CDC37L1: variants seen among roughly 807,000 people sequenced by gnomAD.
CDC37L1 encodes cell division cycle 37 like 1, HSP90 cochaperone.
CDC37L1 carries 32 observed loss-of-function variants against 45.9 expected under a neutral mutation model. That is an observed-to-expected ratio of 0.70 (90% confidence interval 0.53 to 0.94). The LOEUF (loss-of-function observed/expected upper bound fraction) is 0.94. Among genes scored for constraint, CDC37L1 ranks in the 40% least tolerant of loss-of-function variants. The pLI, the probability that CDC37L1 is intolerant of heterozygous loss-of-function variation, is 0.00. For missense variants in CDC37L1, 434 were observed against 405.7 expected (o/e 1.07, Z -0.60); for synonymous variants, 150 against 133.0 (o/e 1.13, Z -0.88).
At chr9:4,697,297 A>G in intron 4 of CDC37L1, 86 bp downstream of exon 4, 1 of 700,548 alleles carries the variant, frequency 1.4e-6, no homozygotes, top group South Asian at 1.7e-5. Flanking sequence ...TGTTTTCTAC[A>G]TTAAGTCCTT....
intron 6 of CDC37L1, among the ~76,000 whole-genome samples, chr9:4,703,479 C>A (rs1841418292): frequency 6.6e-6 from 1 of 151,988 alleles, no homozygotes; most frequent in Admixed American, 6.6e-5. Context: ...TACAGATTAT[C>A]TCTTAATTTT....
chr9:4,683,601 G>T (rs915936099), intron 1 of CDC37L1, among the ~76,000 whole-genome samples: 2 of 152,104 alleles, frequency 1.3e-5, no homozygotes, highest in African/African-American at 4.8e-5. Context: ...ATCACGAAGG[G>T]CTTTGCCACA....
At chr9:4,691,568 C>T (rs1841301133) in intron 3 of CDC37L1, among the ~76,000 whole-genome samples, 1 of 152,030 alleles carries the variant, frequency 6.6e-6, no homozygotes, top group Non-Finnish European at 1.5e-5. Flanking sequence ...TCTTGGTTGA[C>T]ACGGGCCTGG....
Position 4,701,857 on chromosome 9 carries a change from T to C in CDC37L1, c.748-7T>C. ...ACAGTCTTTGTTTTTTTTTTTGTTTTTTCTAGGCAGAGGAAGAAGGTTATT... is the reference window on the plus strand; with the variant it reads ...ACAGTCTTTGTTTTTTTTTTTGTTTCTTCTAGGCAGAGGAAGAAGGTTATT... On this transcript the variant is annotated splice_region_variant and splice_polypyrimidine_tract_variant and intron_variant, in intron 5 of 6. Transcript: ENST00000381854. The C allele has an allele frequency of 2.5e-6, 4 of 1,592,310 alleles. No homozygotes were observed. Among genetic ancestry groups the C allele is most frequent in the Non-Finnish European group, 3.4e-6 (4 of 1,172,744 alleles).
intron 6 of CDC37L1, chr9:4,703,149 G>A (rs1346635044): frequency 2.7e-6 from 4 of 1,501,446 alleles, no homozygotes; most frequent in Non-Finnish European, 3.6e-6. Context: ...GAGAAGGAAA[G>A]TCTTATTCAA....
rs766704606 is a variant in CDC37L1 at position 4,685,059 on chromosome 9, A to T, written c.315A>T (p.Gln105His). ...KAQTAVSELR[Q>H]REEEWRQKEE... ...AAACAGCAGTATCAGAACTGAGGCA[A>T]CGGGAAGAAGAGTGGCGACAGAAAG... Residue 105 changes from glutamine to histidine, a missense_variant, in exon 2 of 7, where the codon CAA (glutamine) becomes CAT (histidine). Gln to His is a conservative substitution (Grantham distance 24). Coordinates refer to ENST00000381854, the MANE Select transcript of CDC37L1 (RefSeq NM_017913.4). 2 of 1,614,072 alleles carry T rather than the reference A, an allele frequency of 1.2e-6. No individual in the cohort carries two copies. The highest frequency in any genetic ancestry group is 2.2e-5 in the East Asian group (1 of 44,880).
chr9:4,702,305 C>T (rs1314684428), intron 6 of CDC37L1, among the ~76,000 whole-genome samples: 2 of 152,180 alleles, frequency 1.3e-5, no homozygotes, highest in Non-Finnish European at 2.9e-5. Flanking sequence ...TCATCTCAAT[C>T]ATAAACTCTT....
rs372857019 is a variant in CDC37L1, at chr9:4,679,742, G to A, written c.-26G>A. 1.2e-6 allele frequency: 2 copies of A among 1,600,546 alleles called. No individual in the cohort carries two copies. The highest frequency in any genetic ancestry group is 8.5e-7 in the Non-Finnish European group (1 of 1,171,998). ...CAGTGGCAGTTGTAGGGCCAAGGGCGGTTGTAGGACCCGGAGCAGCCGGAC... is the reference window on the plus strand; with the variant it reads ...CAGTGGCAGTTGTAGGGCCAAGGGCAGTTGTAGGACCCGGAGCAGCCGGAC... On this transcript the variant is annotated 5_prime_UTR_variant, in exon 1 of 7. Coordinates refer to ENST00000381854, the MANE Select transcript of CDC37L1 (RefSeq NM_017913.4).
chr9:4,706,021 A>G lies in CDC37L1; in HGVS notation c.923A>G (p.Tyr308Cys), dbSNP rs1229849960. The change falls in exon 7 of 7, where the codon TAT (tyrosine) becomes TGT (cysteine). Residue 308 changes from tyrosine to cysteine, a missense_variant. Transcript: ENST00000381854. The part of the protein sequence containing the change: ...LLESLPQNPD[Y>C]LQYSISTALC... ...TTTCTTTTTCCCCAGAATCCAGATTATCTTCAGTATTCTATCAGTACAGCT... is the reference window on the plus strand; with the variant it reads ...TTTCTTTTTCCCCAGAATCCAGATTGTCTTCAGTATTCTATCAGTACAGCT... 1.9e-6 allele frequency: 3 copies of G among 1,561,136 alleles called. No homozygotes were observed. The highest frequency in any genetic ancestry group is 1.7e-5 in the Admixed American group (1 of 58,660).
chr9:4,701,431 G>C (rs1841394992), intron 5 of CDC37L1, among the ~76,000 whole-genome samples: 1 of 152,212 alleles, frequency 6.6e-6, no homozygotes, highest in Non-Finnish European at 1.5e-5. Flanking sequence ...ACAGGTAATA[G>C]TGCCCCCTCA....
Position 4,679,642 on chromosome 9 carries a change from T to A in CDC37L1, c.-126T>A. On this transcript the variant is annotated 5_prime_UTR_variant, in exon 1 of 7. Coordinates refer to ENST00000381854, the MANE Select transcript of CDC37L1 (RefSeq NM_017913.4). ...GCGGCGTCGCGGCCAGTAGAGGGAT[T>A]CTGGGTAACGGCCCGGACCCCCGGC... is the stretch of plus-strand genomic sequence containing the variant. The A allele has an allele frequency of 1.2e-6, 1 of 852,180 alleles. No individual in the cohort carries two copies. Among genetic ancestry groups the A allele is most frequent in the South Asian group, 2.0e-5 (1 of 49,134 alleles). The allele number at this position is 852,180 out of a possible 1,614,324, so 52.8% of individuals were successfully genotyped here. A position where few individuals can be genotyped will look rare whatever the true frequency, so the allele number is the denominator to read the frequency against.
intron 5 of CDC37L1, among the ~76,000 whole-genome samples, chr9:4,698,443 A>G (rs1325046624): frequency 6.7e-6 from 1 of 149,770 alleles, no homozygotes; most frequent in African/African-American, 2.5e-5. Context: ...AGCAGTACAT[A>G]CTAGATGATG....
chr9:4,705,926 ACT>A (rs1841437043), intron 6 of CDC37L1, 83 bp from the exon 7 acceptor site: 1 of 568,116 alleles, frequency 1.8e-6, no homozygotes, highest in Non-Finnish European at 3.3e-6. Context: ...GGACGGTGAA[ACT>A]GAATATATAT....
At chr9:4,703,926 G>T (rs979689706) in intron 6 of CDC37L1, among the ~76,000 whole-genome samples, 1 of 152,142 alleles carries the variant, frequency 6.6e-6, no homozygotes, top group Non-Finnish European at 1.5e-5. Context: ...CTCATGGTGG[G>T]AGACCAATTC....
At position 4,684,907 on chromosome 9, in the gene CDC37L1, C is replaced by A; in HGVS notation, c.163C>A (p.Gln55Lys). 2 of 1,613,304 alleles carry A rather than the reference C, an allele frequency of 1.2e-6. No homozygotes were observed. Among genetic ancestry groups the A allele is most frequent in the South Asian group, 2.2e-5 (2 of 90,970 alleles). Residue 55 changes from glutamine (Q) to lysine (K), a missense_variant, in exon 2 of 7, where the codon CAA becomes AAA. Physicochemically the swap from Gln to Lys is moderately conservative, Grantham distance 53 (BLOSUM62 1). Transcript: ENST00000381854. Reference protein sequence around the residue: ...MYSHGIELACQKQKEFVKSSV... With the variant: ...MYSHGIELACKKQKEFVKSSV... ...TAGCCATGGAATTGAATTGGCTTGC[C>A]AAAAGCAGAAAGAGTTTGTGAAGAG...
rs1563774145 is a variant in CDC37L1, at chr9:4,705,996, T to A, written c.913-15T>A. ...TTCTTTTTCTCCCCCCAATCTACCT[T>A]TTCTTTTTCCCCAGAATCCAGATTA... On this transcript the variant is annotated splice_polypyrimidine_tract_variant and intron_variant, in intron 6 of 6. Coordinates refer to ENST00000381854, the MANE Select transcript of CDC37L1 (RefSeq NM_017913.4). The A allele has an allele frequency of 7.4e-7, 1 of 1,350,014 alleles. No individual in the cohort carries two copies. Among genetic ancestry groups the A allele is most frequent in the Non-Finnish European group, 1.1e-6 (1 of 941,732 alleles). 83.6% of individuals were successfully genotyped at this position (1,350,014 alleles called of 1,614,324 possible). A position where few individuals can be genotyped will look rare whatever the true frequency, so the allele number is the denominator to read the frequency against.
Position 4,679,585 on chromosome 9 carries a change from G to T in CDC37L1, c.-183G>T, listed in dbSNP as rs1841164834. On this transcript the variant is annotated 5_prime_UTR_variant, in exon 1 of 7. Coordinates refer to ENST00000381854, the MANE Select transcript of CDC37L1 (RefSeq NM_017913.4). ...CGACTATTTCTTCCGCCGTCCGCCGGTGGCGAGGCCCAGGCTGTCGCCGGG... is the reference window on the plus strand; with the variant it reads ...CGACTATTTCTTCCGCCGTCCGCCGTTGGCGAGGCCCAGGCTGTCGCCGGG... 4 of 527,720 alleles carry T rather than the reference G, an allele frequency of 7.6e-6. No individual in the cohort carries two copies. Among genetic ancestry groups the T allele is most frequent in the African/African-American group, 2.0e-5 (1 of 50,654 alleles). 32.7% of individuals were successfully genotyped at this position (527,720 alleles called of 1,614,324 possible). A position where few individuals can be genotyped will look rare whatever the true frequency, so the allele number is the denominator to read the frequency against.
Position 4,697,650 on chromosome 9 carries a change from C to T in CDC37L1, c.625-107C>T, listed in dbSNP as rs535132383. 284 of 607,854 alleles carry T rather than the reference C, an allele frequency of 4.7e-4. 6 individuals carry two copies. In the South Asian group the frequency reaches 6.2e-3, roughly 13 times the overall value. 37.7% of individuals were successfully genotyped at this position (607,854 alleles called of 1,614,324 possible). A position where few individuals can be genotyped will look rare whatever the true frequency, so the allele number is the denominator to read the frequency against. On this transcript the variant is annotated intron_variant, in intron 4 of 6. Transcript: ENST00000381854. ...TGTTTGTAAAGTATTTGACTTATAA[C>T]TTAAGAGAGTAAAATCAAAAGTATT... is the stretch of plus-strand genomic sequence containing the variant.
At chr9:4,688,483 C>G in intron 2 of CDC37L1, 30 bp from the exon 3 acceptor site, 1 of 1,136,350 alleles carries the variant, frequency 8.8e-7, no homozygotes, top group Non-Finnish European at 1.2e-6. Flanking sequence ...AATTTAAAAT[C>G]TGATTTAAAT....
Sources: allele counts gnomAD v4.1 joint callset (sites outside exome capture counted in the v4.1 genomes callset), GRCh38; gene constraint gnomAD v4.1.1; transcripts MANE v1.5; gene names NCBI Gene and HGNC (gene_info 2026-07-23, HGNC 2026-07-21).